The following SORCS3 variants were observed in gnomAD, a reference collection of about 807,000 sequenced individuals.
SORCS3 encodes sortilin related VPS10 domain containing receptor 3.
Under a neutral mutation model 146.3 loss-of-function variants are expected in SORCS3, and 57 were observed. The observed-to-expected ratio is 0.39, with a 90% confidence interval of 0.31 to 0.49. The LOEUF (loss-of-function observed/expected upper bound fraction) is 0.49. SORCS3 is among the 20% of genes least tolerant of loss of function. The pLI is 0.92. For synonymous variants in SORCS3, 653 were observed against 618.5 expected, an observed-to-expected ratio of 1.06 and a Z score of -0.83; for missense variants, 1,341 against 1,575.5, an observed-to-expected ratio of 0.85 and a Z score of 2.52.
chr10:105,166,720 C>A (rs1023537587), intron 12 of SORCS3, among the ~76,000 whole-genome samples: 3 of 152,038 alleles, frequency 2.0e-5, no homozygotes, highest in African/African-American at 4.8e-5. Flanking sequence ...TCATAGACAC[C>A]CAACATGGGT....
chr10:104,699,751 A>G (rs981557531), intron 1 of SORCS3, among the ~76,000 whole-genome samples: 1 of 152,188 alleles, frequency 6.6e-6, no homozygotes, highest in African/African-American at 2.4e-5. Flanking sequence ...ATTTAGATAC[A>G]AAGTATTATA....
intron 8 of SORCS3, among the ~76,000 whole-genome samples, chr10:105,146,977 A>G (rs533919900): frequency 6.6e-6 from 1 of 152,260 alleles, no homozygotes; most frequent in East Asian, 1.9e-4. Context: ...TTCCAGGTTG[A>G]GTATCCTTTT....
chr10:105,141,542 T>C (rs942873539), intron 8 of SORCS3, among the ~76,000 whole-genome samples: 1 of 152,184 alleles, frequency 6.6e-6, no homozygotes, highest in Admixed American at 6.5e-5. Context: ...AAGCTCCCTA[T>C]CATCATTGCC....
intron 4 of SORCS3, among the ~76,000 whole-genome samples, chr10:105,025,001 C>G (rs2055217751): frequency 6.6e-6 from 1 of 152,186 alleles, no homozygotes; most frequent in Non-Finnish European, 1.5e-5. Context: ...TGGCCTCTAG[C>G]TGCTGTACCG....
At chr10:105,010,528 A>G (rs2055128625) in intron 4 of SORCS3, among the ~76,000 whole-genome samples, 1 of 152,224 alleles carries the variant, frequency 6.6e-6, no homozygotes. Context: ...TCAGGGAACT[A>G]TAGCTTTAAG....
At chr10:104,954,702 G>A (rs1338199385) in intron 3 of SORCS3, among the ~76,000 whole-genome samples, 1 of 152,212 alleles carries the variant, frequency 6.6e-6, no homozygotes, top group East Asian at 1.9e-4. Context: ...CCTGCAACAA[G>A]TTTCACTAGC....
chr10:104,913,710 A>G (rs931747439), intron 2 of SORCS3, among the ~76,000 whole-genome samples: 2 of 150,130 alleles, frequency 1.3e-5, no homozygotes, highest in African/African-American at 4.9e-5. Context: ...GAGGTTTCCC[A>G]TGTCTTATAT....
intron 1 of SORCS3, among the ~76,000 whole-genome samples, chr10:104,663,126 C>T (rs749206828): frequency 1.7e-4 from 26 of 152,236 alleles, no homozygotes; most frequent in Non-Finnish European, 2.8e-4. Context: ...ACCTCTTGCC[C>T]GCTCCCTCCT....
intron 16 of SORCS3, among the ~76,000 whole-genome samples, chr10:105,205,541 T>C (rs895408463): frequency 2.0e-5 from 3 of 152,066 alleles, no homozygotes; most frequent in African/African-American, 7.2e-5. Context: ...TAAAGGTTGT[T>C]AGAGACCAGC....
At chr10:104,865,484 A>G (rs1379973304) in intron 2 of SORCS3, among the ~76,000 whole-genome samples, 4 of 152,228 alleles carry the variant, frequency 2.6e-5, no homozygotes, top group Admixed American at 2.6e-4. Flanking sequence ...AAGGGAAATG[A>G]CTTGTTTAAC....
chr10:104,927,833 G>A (rs532878082), intron 3 of SORCS3, among the ~76,000 whole-genome samples: 18 of 150,970 alleles, frequency 1.2e-4, no homozygotes, highest in Admixed American at 9.2e-4. Context: ...AGCCGAGATC[G>A]TACCATTGCA....
intron 2 of SORCS3, among the ~76,000 whole-genome samples, chr10:104,858,624 CTTT>C (rs775216095): frequency 7.1e-6 from 1 of 141,498 alleles, no homozygotes; most frequent in Non-Finnish European, 1.5e-5. Flanking sequence ...GAGAAGTGTA[CTTT>C]TTTTTTTTTT....
At chr10:105,091,453 TCCTC>T (rs1298248112) in intron 6 of SORCS3, among the ~76,000 whole-genome samples, 1 of 47,922 alleles carries the variant, frequency 2.1e-5, no homozygotes, top group Non-Finnish European at 4.1e-5. Context: ...GTTCCTTCCT[TCCTC>T]CCTCCCTCCC....
At chr10:105,133,636 T>C (rs576105499) in intron 7 of SORCS3, among the ~76,000 whole-genome samples, 1 of 152,286 alleles carries the variant, frequency 6.6e-6, no homozygotes, top group South Asian at 2.1e-4. Flanking sequence ...CCTAAGAAGA[T>C]ATTATTTTCA....
At chr10:104,834,251 C>T (rs953873073) in intron 1 of SORCS3, among the ~76,000 whole-genome samples, 1 of 152,144 alleles carries the variant, frequency 6.6e-6, no homozygotes, top group Non-Finnish European at 1.5e-5. Flanking sequence ...CCATGTAAAT[C>T]CTCTGGTGGT....
intron 1 of SORCS3, among the ~76,000 whole-genome samples, chr10:104,793,148 G>A (rs1398577510): frequency 6.6e-6 from 1 of 152,050 alleles, no homozygotes; most frequent in Non-Finnish European, 1.5e-5. Context: ...GATCTCAGAG[G>A]TGATTATTTT....
chr10:104,787,854 G>GTCAGCT (rs976502527), intron 1 of SORCS3, among the ~76,000 whole-genome samples: 26 of 152,138 alleles, frequency 1.7e-4, no homozygotes, highest in Middle Eastern at 3.2e-3. Flanking sequence ...GGTAATGAGA[G>GTCAGCT]TCAGCTACAA....
At chr10:104,952,256 A>AAG (rs1564720921) in intron 3 of SORCS3, among the ~76,000 whole-genome samples, 21 of 10,700 alleles carry the variant, frequency 2.0e-3, no homozygotes, top group Admixed American at 0.018. Flanking sequence ...TGAATGTTTG[A>AAG]AAAAAAAAAA....
chr10:104,802,079 G>T (rs527856025), intron 1 of SORCS3, among the ~76,000 whole-genome samples: 1 of 152,244 alleles, frequency 6.6e-6, no homozygotes. Flanking sequence ...TTGGTAATTA[G>T]TTGTAGTGAT....
Sources: gnomAD v4.1 joint callset for allele counts (sites outside exome capture counted in the v4.1 genomes callset) on GRCh38, gnomAD v4.1.1 for gene constraint, MANE v1.5 for transcripts, NCBI Gene and HGNC (gene_info 2026-07-23, HGNC 2026-07-21) for gene names.